The following S100Z variants were observed in gnomAD, a reference collection of about 807,000 sequenced individuals.
S100Z encodes the protein S100 calcium binding protein Z, also known as protein S100-Z.
A neutral mutation model predicts 8.5 loss-of-function variants in S100Z; 11 were observed. The observed-to-expected ratio is 1.30, with a 90% CI of 0.82 to 2.15. The LOEUF is 2.15. S100Z is among the 30% of genes most tolerant of loss of function. The pLI, the probability that S100Z is intolerant of heterozygous loss-of-function variation, is 0.00. For missense variants in S100Z, 126 were observed against 117.9 expected (o/e 1.07, Z -0.32); for synonymous variants, 34 against 43.8 (o/e 0.78, Z 0.89).
chr5:76,853,935 A>G (rs1367121375), intron 1 of S100Z, among the ~76,000 whole-genome samples: 1 of 151,996 alleles, frequency 6.6e-6, no homozygotes, highest in Admixed American at 6.6e-5. Context: ...TGAGTAAGTG[A>G]GGTAGCGTGA....
At chr5:76,867,165 A>G (rs1192921548) in intron 1 of S100Z, among the ~76,000 whole-genome samples, 1 of 152,218 alleles carries the variant, frequency 6.6e-6, no homozygotes, top group Admixed American at 6.5e-5. Context: ...TGACATCTGT[A>G]TACACCAGTG....
At chr5:76,940,517 A>T in the S100Z span, among the ~76,000 whole-genome samples, 60,547 of 151,580 alleles carry the variant, frequency 0.4, 14,057 homozygotes, top group South Asian at 0.65. Flanking sequence ...GGTTCAAGTG[A>T]TTCTCCTGCC....
intron 4 of S100Z, among the ~76,000 whole-genome samples, chr5:76,914,607 C>G (rs939212773): frequency 1.3e-5 from 2 of 152,130 alleles, no homozygotes; most frequent in African/African-American, 4.8e-5. Flanking sequence ...AGTTGTCACA[C>G]TTACCGTGAA....
intron 1 of S100Z, among the ~76,000 whole-genome samples, chr5:76,854,815 T>G (rs550905640): frequency 6.6e-6 from 1 of 152,352 alleles, no homozygotes; most frequent in South Asian, 2.1e-4. Context: ...ATTTCAGATA[T>G]CTTCCAGGCA....
chr5:76,900,131 A>G (rs1744179612), intron 4 of S100Z, among the ~76,000 whole-genome samples: 1 of 151,772 alleles, frequency 6.6e-6, no homozygotes, highest in African/African-American at 2.4e-5. Context: ...ATTGTATGTT[A>G]TTTGTTTCTT....
intron 4 of S100Z, among the ~76,000 whole-genome samples, chr5:76,898,853 T>A (rs1296345449): frequency 6.6e-6 from 1 of 152,060 alleles, no homozygotes; most frequent in Non-Finnish European, 1.5e-5. Context: ...TTTGGAATAG[T>A]TTGAGTAAGA....
At chr5:76,867,885 GTCATTACCTTTAAGC>G (rs1742839888) in intron 1 of S100Z, among the ~76,000 whole-genome samples, 1 of 152,106 alleles carries the variant, frequency 6.6e-6, no homozygotes. Flanking sequence ...GCCGGCCACA[GTCATTACCTTTAAGC>G]TCCCCCCAAA....
chr5:76,910,604 A>T (rs1325029076), intron 4 of S100Z, among the ~76,000 whole-genome samples: 2 of 152,186 alleles, frequency 1.3e-5, no homozygotes, highest in Non-Finnish European at 2.9e-5. Flanking sequence ...ATGCTGAGGC[A>T]ATCACTGGAA....
chr5:76,882,298 T>C (rs1456162759), intron 4 of S100Z, among the ~76,000 whole-genome samples: 1 of 152,156 alleles, frequency 6.6e-6, no homozygotes, highest in Non-Finnish European at 1.5e-5. Flanking sequence ...AAGGTCAAGT[T>C]GTTTGGATAA....
the S100Z span, among the ~76,000 whole-genome samples, chr5:76,938,067 C>T: frequency 6.6e-6 from 1 of 151,802 alleles, no homozygotes; most frequent in African/African-American, 2.4e-5. Flanking sequence ...GCACTCCAAC[C>T]TGGGCAACAG....
At chr5:76,878,977 C>T (rs1368392515) in intron 4 of S100Z, among the ~76,000 whole-genome samples, 2 of 152,198 alleles carry the variant, frequency 1.3e-5, no homozygotes, top group Non-Finnish European at 2.9e-5. Context: ...TTCTATGTAT[C>T]AGAACCCTGG....
intron 1 of S100Z, among the ~76,000 whole-genome samples, chr5:76,863,762 T>C (rs1249018387): frequency 6.6e-6 from 1 of 152,050 alleles, no homozygotes; most frequent in Non-Finnish European, 1.5e-5. Context: ...ATGGTCTCGA[T>C]CTCCTGACCT....
At chr5:76,890,300 A>G (rs2150660150) in intron 4 of S100Z, among the ~76,000 whole-genome samples, 1 of 152,344 alleles carries the variant, frequency 6.6e-6, no homozygotes, top group African/African-American at 2.4e-5. Context: ...CTGGGATTAC[A>G]GGTGTGAGCC....
the S100Z span, among the ~76,000 whole-genome samples, chr5:76,930,544 AGT>A: frequency 6.6e-6 from 1 of 152,174 alleles, no homozygotes; most frequent in African/African-American, 2.4e-5. Context: ...TGCTTAGGGC[AGT>A]AGGTGATTGG....
chr5:76,924,900 G>GA (rs1745110200), downstream of S100Z, among the ~76,000 whole-genome samples: 1 of 135,434 alleles, frequency 7.4e-6, no homozygotes, highest in Non-Finnish European at 1.6e-5. Context: ...GCAACAGAGC[G>GA]AGACTCTGTC....
chr5:76,871,520 CTTTTTTTT>C (rs565094996), intron 2 of S100Z, among the ~76,000 whole-genome samples: 1 of 125,126 alleles, frequency 8.0e-6, no homozygotes, highest in Non-Finnish European at 1.7e-5. Context: ...ATCAGAAACT[CTTTTTTTT>C]TTTTTTTTTT....
chr5:76,906,989 T>TAC (rs1744465621), intron 4 of S100Z, among the ~76,000 whole-genome samples: 1 of 12,912 alleles, frequency 7.7e-5, no homozygotes, highest in Admixed American at 9.7e-4. Flanking sequence ...TATATATATA[T>TAC]ATATATATAT....
Position 76,877,716 on chromosome 5 carries a change from C to G in S100Z, c.184C>G (p.Leu62Val). 6.2e-7 allele frequency: 1 copy of G among 1,612,066 alleles called. No homozygotes were observed. The highest frequency in any genetic ancestry group is 1.1e-5 in the South Asian group (1 of 91,008). ...GTTGGTTGATAAGATAGTGCAGGACCTGGATGCCAATAAGGACAACGAAGT... is the reference window on the plus strand; with the variant it reads ...GTTGGTTGATAAGATAGTGCAGGACGTGGATGCCAATAAGGACAACGAAGT... The part of the protein sequence containing the change: ...TQLVDKIVQD[L>V]DANKDNEVDF... Residue 62 changes from leucine to valine, a missense_variant, in exon 4 of 5, where the codon CTG becomes GTG. Physicochemically the swap from Leu to Val is conservative, Grantham distance 32. Transcript: ENST00000317593.
intron 1 of S100Z, among the ~76,000 whole-genome samples, chr5:76,855,499 G>A (rs1750857218): frequency 6.6e-6 from 1 of 152,188 alleles, no homozygotes; most frequent in African/African-American, 2.4e-5. Flanking sequence ...TTATTTTGGA[G>A]CTTTAAAATA....
Sources: gnomAD v4.1 joint callset for allele counts (sites outside exome capture counted in the v4.1 genomes callset) on GRCh38, gnomAD v4.1.1 for gene constraint, MANE v1.5 for transcripts, NCBI Gene and HGNC (gene_info 2026-07-23, HGNC 2026-07-21) for gene names.